Variants in DIAPH1 observed in about 807,000 individuals in gnomAD.
DIAPH1 encodes diaphanous related formin 1.
Under a neutral mutation model 140.7 loss-of-function variants are expected in DIAPH1, and 46 were observed. The ratio of observed to expected loss-of-function variants is 0.33; its 90% CI spans 0.26 to 0.42. The LOEUF is 0.42. DIAPH1 is among the 10% of genes least tolerant of loss of function. DIAPH1 has a pLI of 1.00. For synonymous variants in DIAPH1, 565 were observed against 551.6 expected (o/e 1.02, Z -0.34); for missense variants, 1,310 against 1,558.7 (o/e 0.84, Z 2.69).
chr5:141,529,353 G>C (rs979785349), intron 20 of DIAPH1, 80 bp from the exon 21 acceptor site: 9 of 1,128,640 alleles, frequency 8.0e-6, no homozygotes, highest in Middle Eastern at 1.9e-4. Flanking sequence ...TCTGTTGTCA[G>C]TCCCACACTC....
chr5:141,573,484 ACT>A lies in DIAPH1; in HGVS notation c.2358+6_2358+7del. On this transcript the variant is annotated splice_donor_region_variant and intron_variant, in intron 16 of 27. Coordinates refer to ENST00000389054, the MANE Select transcript of DIAPH1 (RefSeq NM_005219.5). Reference sequence around the variant, plus strand: ...TTGACTGGTGAAGAAATAGACAGAAACTCTTACCTTGGACCAGTTTGGCCTCC... The same window carrying A: ...TTGACTGGTGAAGAAATAGACAGAAACTTACCTTGGACCAGTTTGGCCTCC... The A allele has an allele frequency of 6.2e-7, 1 of 1,611,898 alleles. No homozygotes were observed. The highest frequency in any genetic ancestry group is 8.5e-7 in the Non-Finnish European group (1 of 1,179,436).
chr5:141,527,499 C>T (rs895701068), intron 24 of DIAPH1, 74 bp downstream of exon 24: 48 of 1,546,258 alleles, frequency 3.1e-5, no homozygotes, highest in Non-Finnish European at 4.0e-5. Flanking sequence ...CCCTATCTAT[C>T]CTGTTTTTCC....
intron 2 of DIAPH1, 57 bp from the exon 3 acceptor site, chr5:141,587,254 C>T (rs1291924772): frequency 6.3e-7 from 1 of 1,582,862 alleles, no homozygotes; most frequent in Admixed American, 1.7e-5. Flanking sequence ...TAACAAGCCA[C>T]ACATCAAATT....
At chr5:141,557,844 A>G (rs1287691314) in intron 18 of DIAPH1, 2 of 152,242 alleles carry the variant, frequency 1.3e-5, no homozygotes, top group African/African-American at 2.4e-5. Context: ...GCAACTGCTG[A>G]GTAAAAGAGT....
chr5:141,531,685 G>T (rs1369181570), intron 19 of DIAPH1, among the ~76,000 whole-genome samples: 2 of 151,792 alleles, frequency 1.3e-5, no homozygotes, highest in Non-Finnish European at 2.9e-5. Flanking sequence ...ACAGCATTTT[G>T]CCATGTTGAC....
In DIAPH1 at chr5:141,588,122, T is replaced by C. The variant is rs530005098; in HGVS notation, c.144+102A>G. 3.1e-4 allele frequency: 292 copies of C among 955,710 alleles called. 2 individuals are homozygous for C. The South Asian group carries it at 3.8e-3, about 12-fold the overall frequency. 59.2% of individuals were successfully genotyped at this position (955,710 alleles called of 1,614,324 possible). On this transcript the variant is annotated intron_variant, in intron 2 of 27. Transcript: ENST00000389054. ...CTTGAGATACTGAGTAGAAGCCATA[T>C]CACCACTATAAGTTACAGAAAGTCA...
intron 1 of DIAPH1, among the ~76,000 whole-genome samples, chr5:141,604,753 A>G (rs2099900675): frequency 6.6e-6 from 1 of 152,184 alleles, no homozygotes; most frequent in African/African-American, 2.4e-5. Flanking sequence ...TCCTACCCCT[A>G]CTGACAACCG....
chr5:141,582,908 C>T (rs1024242045), intron 6 of DIAPH1, among the ~76,000 whole-genome samples: 3 of 152,174 alleles, frequency 2.0e-5, no homozygotes, highest in African/African-American at 7.2e-5. Flanking sequence ...GACCAGATTA[C>T]ACAGCAGCAC....
chr5:141,594,711 C>A (rs972726566), intron 1 of DIAPH1, among the ~76,000 whole-genome samples: 1 of 151,342 alleles, frequency 6.6e-6, no homozygotes, highest in Non-Finnish European at 1.5e-5. Context: ...CCACTGCACT[C>A]CAGCCTGGGT....
Position 141,524,233 on chromosome 5 carries a change from T to C in DIAPH1, c.3575-4A>G, listed in dbSNP as rs1337071202. 6.2e-7 allele frequency: 1 copy of C among 1,613,600 alleles called. No homozygotes were observed. The stretch of plus-strand genomic sequence containing the variant: ...ATCACACCTGTCTCATCGCCCTCTG[T>C]TATAAAGAACAAGATGGAGATGTGA... On this transcript the variant is annotated splice_polypyrimidine_tract_variant and splice_region_variant and intron_variant, in intron 26 of 27. Transcript: ENST00000389054.
chr5:141,577,362 T>C (rs1435647312), intron 12 of DIAPH1, 113 bp downstream of exon 12: 20 of 829,566 alleles, frequency 2.4e-5, no homozygotes, highest in Non-Finnish European at 3.8e-5. Flanking sequence ...TGAACCCTAA[T>C]CTTGGGTCTT....
intron 18 of DIAPH1, among the ~76,000 whole-genome samples, chr5:141,569,201 G>C (rs2099894794): frequency 6.6e-6 from 1 of 152,138 alleles, no homozygotes; most frequent in Non-Finnish European, 1.5e-5. Flanking sequence ...CTAAGAAGTA[G>C]AAGGCTAGAG....
At chr5:141,561,302 T>C (rs146319340) in intron 18 of DIAPH1, among the ~76,000 whole-genome samples, 1 of 151,990 alleles carries the variant, frequency 6.6e-6, no homozygotes, top group East Asian at 1.9e-4. Context: ...GGGTTACCAA[T>C]GCCCTTCTGT....
intron 1 of DIAPH1, among the ~76,000 whole-genome samples, chr5:141,596,105 G>A (rs1562340567): frequency 6.6e-6 from 1 of 152,138 alleles, no homozygotes; most frequent in Non-Finnish European, 1.5e-5. Context: ...TGAGGCAGGT[G>A]GATTGCGAGG....
chr5:141,593,923 C>G (rs1230449271), intron 1 of DIAPH1, among the ~76,000 whole-genome samples: 1 of 152,094 alleles, frequency 6.6e-6, no homozygotes, highest in Non-Finnish European at 1.5e-5. Context: ...TTCAAGCCTC[C>G]CGAGTAGCTG....
At chr5:141,607,856 CTAAGT>C (rs572813968) in intron 1 of DIAPH1, among the ~76,000 whole-genome samples, 32 of 152,284 alleles carry the variant, frequency 2.1e-4, no homozygotes, top group African/African-American at 7.7e-4. Flanking sequence ...TTCTAGGAAG[CTAAGT>C]TAACACTGCC....
chr5:141,550,288 T>G (rs922900639), intron 18 of DIAPH1, among the ~76,000 whole-genome samples: 1 of 152,166 alleles, frequency 6.6e-6, no homozygotes, highest in Non-Finnish European at 1.5e-5. Context: ...TCCAAACTGA[T>G]GGACACGTTA....
At chr5:141,549,988 A>G (rs533535950) in intron 18 of DIAPH1, among the ~76,000 whole-genome samples, 1 of 152,336 alleles carries the variant, frequency 6.6e-6, no homozygotes, top group South Asian at 2.1e-4. Flanking sequence ...TATGAGAAAC[A>G]TCTAGAGCAA....
At chr5:141,574,519 A>C (rs1184593454) in intron 15 of DIAPH1, among the ~76,000 whole-genome samples, 1 of 152,246 alleles carries the variant, frequency 6.6e-6, no homozygotes, top group East Asian at 1.9e-4. Flanking sequence ...TTATATAACT[A>C]ATATATGTGC....
Sources: allele counts gnomAD v4.1 joint callset (sites outside exome capture counted in the v4.1 genomes callset), GRCh38; gene constraint gnomAD v4.1.1; transcripts MANE v1.5; gene names NCBI Gene and HGNC (gene_info 2026-07-23, HGNC 2026-07-21).